Variants in ELK4 observed in about 807,000 individuals in gnomAD.
ELK4 encodes ETS transcription factor ELK4.
ELK4 carries 16 observed loss-of-function variants against 29.6 expected under a neutral mutation model. The ratio of observed to expected loss-of-function variants is 0.54; its 90% CI spans 0.37 to 0.82. The LOEUF is 0.82. Among genes scored for constraint, ELK4 ranks in the 40% least tolerant of loss-of-function variants. The pLI is 0.00. For synonymous variants in ELK4, 213 were observed against 191.1 expected (o/e 1.11, Z -0.95); for missense variants, 465 against 507.1 (o/e 0.92, Z 0.80).
intron 1 of ELK4, among the ~76,000 whole-genome samples, chr1:205,624,930 C>T (rs534187379): frequency 1.6e-4 from 25 of 152,264 alleles, no homozygotes; most frequent in African/African-American, 4.3e-4. Context: ...CATACAATTT[C>T]AAAACACCTT....
rs916623368 is a variant in ELK4, at chr1:205,611,942, T to C, written c.*4604A>G. On this transcript the variant is annotated 3_prime_UTR_variant, in exon 5 of 5. Coordinates refer to ENST00000357992, the MANE Select transcript of ELK4 (RefSeq NM_001973.4). ...ATTTTAAAAATCAAAAACTTATTAA[T>C]GCAGCAAGAAAATGTAACTTGTTAT... is the stretch of plus-strand genomic sequence containing the variant. 5.4e-6 allele frequency: 1 copy of C among 185,958 alleles called. No homozygotes were observed. The highest frequency in any genetic ancestry group is 2.3e-5 in the African/African-American group (1 of 42,712). 11.5% of individuals were successfully genotyped at this position (185,958 alleles called of 1,614,324 possible).
At chr1:205,628,081 A>G (rs1010462136) in intron 1 of ELK4, among the ~76,000 whole-genome samples, 3 of 152,224 alleles carry the variant, frequency 2.0e-5, no homozygotes, top group Admixed American at 2.0e-4. Context: ...TTAGATACCG[A>G]TAATAATCCA....
chr1:205,613,073 T>TAA lies in ELK4; in HGVS notation c.*3471_*3472dup. The TAA allele has an allele frequency of 5.5e-6, 1 of 181,746 alleles. No individual in the cohort carries two copies. The highest frequency in any genetic ancestry group is 1.1e-5 in the Non-Finnish European group (1 of 88,258). The allele number at this position is 181,746 out of a possible 1,614,324, so 11.3% of individuals were successfully genotyped here. A position where few individuals can be genotyped will look rare whatever the true frequency, so the allele number is the denominator to read the frequency against. ...AATCCAGATTGTTTGTGCATACATT[T>TAA]AAAAAAAAAAAAATCAATGGAAATT... On this transcript the variant is annotated 3_prime_UTR_variant, in exon 5 of 5. Coordinates refer to ENST00000357992, the MANE Select transcript of ELK4 (RefSeq NM_001973.4).
Position 205,623,779 on chromosome 1 carries a change from A to T in ELK4, c.104T>A (p.Leu35His), listed in dbSNP as rs778238169. 1 of 1,614,170 alleles carries T rather than the reference A, an allele frequency of 6.2e-7. No individual in the cohort carries two copies. Among genetic ancestry groups the T allele is most frequent in the Admixed American group, 1.7e-5 (1 of 60,020 alleles). The change falls in exon 2 of 5, where the codon CTT (leucine) becomes CAT (histidine). Residue 35 changes from leucine to histidine, a missense_variant. Coordinates refer to ENST00000357992, the MANE Select transcript of ELK4 (RefSeq NM_001973.4). ...ACGAGCCACCTCTTCTGCCTGCAAA[A>T]GCTTAAACTGCCCATCATTAGAGGT... is the stretch of plus-strand genomic sequence containing the variant. ...CWTSNDGQFK[L>H]LQAEEVARLW...
At chr1:205,616,721 G>T in intron 4 of ELK4, 77 bp from the exon 5 acceptor site, 1 of 1,251,326 alleles carries the variant, frequency 8.0e-7, no homozygotes, top group Non-Finnish European at 1.1e-6. Flanking sequence ...TCTATTACCT[G>T]AGGCAAAACA....
Position 205,616,615 on chromosome 1 carries a change from T to C in ELK4, c.1227A>G (p.Pro409=), listed in dbSNP as rs1344492535. ...QFPSVLNSHG[P]FTLSGLDGPS... is the part of the protein sequence containing the mutation. ...GTCCATCCAGCCCAGACAGAGTGAA[T>C]GGCCCATGACTGTTCAGTACAGAAG... The change falls in exon 5 of 5, where the codon CCA becomes CCG. Residue 409 remains proline (P), a synonymous_variant. Transcript: ENST00000357992. 6.2e-7 allele frequency: 1 copy of C among 1,614,030 alleles called. No homozygotes were observed. Among genetic ancestry groups the C allele is most frequent in the East Asian group, 2.2e-5 (1 of 44,894 alleles).
chr1:205,617,165 A>G lies in ELK4; in HGVS notation c.1198-521T>C, dbSNP rs946230148. 3.3e-5 allele frequency among the ~76,000 whole-genome samples: 5 copies of G among 152,376 alleles called. No individual in the cohort carries two copies. In the South Asian group the frequency reaches 1.0e-3, roughly 32 times the overall value. On this transcript the variant is annotated intron_variant, in intron 4 of 4. Coordinates refer to ENST00000357992, the MANE Select transcript of ELK4 (RefSeq NM_001973.4). ...TTTGCTTAAGGTCTCAGCTGACTCT[A>G]TAACTCAATTATCTGCTCATGTGTG...
chr1:205,631,418 G>GAA (rs1558025672), intron 1 of ELK4, among the ~76,000 whole-genome samples: 3 of 103,940 alleles, frequency 2.9e-5, no homozygotes, highest in Non-Finnish European at 4.1e-5. Flanking sequence ...GGGACCAAGA[G>GAA]GCGACGAGAG....
intron 1 of ELK4, among the ~76,000 whole-genome samples, chr1:205,626,494 AC>A (rs1452747757): frequency 6.6e-6 from 1 of 151,680 alleles, no homozygotes; most frequent in Non-Finnish European, 1.5e-5. Flanking sequence ...TCCTTTTACT[AC>A]CTTTTTGGGG....
rs779046215 is a variant in ELK4, at chr1:205,616,512, G to A, written c.*34C>T. On this transcript the variant is annotated 3_prime_UTR_variant, in exon 5 of 5. Transcript: ENST00000357992. Reference sequence around the variant, plus strand: ...AATCATGTTGAATGTCTGTTTCTTCGTTCCTCGGTTCTCTCATTCCACAAG... The same window carrying A: ...AATCATGTTGAATGTCTGTTTCTTCATTCCTCGGTTCTCTCATTCCACAAG... The A allele has an allele frequency of 8.9e-5, 140 of 1,572,606 alleles. 1 individual carries two copies. The highest frequency in any genetic ancestry group is 4.2e-4 in the South Asian group (38 of 90,072).
Position 205,627,549 on chromosome 1 carries a change from T to C in ELK4, c.-9-3658A>G, listed in dbSNP as rs115916723. Among the ~76,000 whole-genome samples the C allele has an allele frequency of 2.0e-3, 302 of 151,392 alleles. 2 individuals carry two copies. The highest frequency in any genetic ancestry group is 6.9e-3 in the African/African-American group (285 of 41,464). On this transcript the variant is annotated intron_variant, in intron 1 of 4. Coordinates refer to ENST00000357992, the MANE Select transcript of ELK4 (RefSeq NM_001973.4). ...AAGAAAATATTATAAACTTAGATTG[T>C]GTTCATGCTTGCACAAAACCCACAG...
rs144596474 is a variant in ELK4 at position 205,620,386 on chromosome 1, T to C, written c.660A>G (p.Glu220=). The stretch of plus-strand genomic sequence containing the variant: ...CCAATGTCTCCAAAGCTTGGATAGT[T>C]TCTTCTGAAGATGGAGAAATACTTG... ...IGPSISPSSE[E]TIQALETLVS... The change falls in exon 3 of 5, where the codon GAA becomes GAG. Residue 220 remains glutamate, a synonymous_variant. Transcript: ENST00000357992. The C allele has an allele frequency of 6.8e-6, 11 of 1,614,066 alleles. No individual in the cohort carries two copies. The African/African-American group carries it at 1.2e-4, about 18-fold the overall frequency.
chr1:205,619,945 C>T (rs1187560605), intron 3 of ELK4, 21 bp downstream of exon 3: 3 of 1,613,912 alleles, frequency 1.9e-6, no homozygotes, highest in Non-Finnish European at 2.5e-6. Flanking sequence ...ATGGTGACAC[C>T]ATAAAGAGCG....
chr1:205,610,192 TC>T lies in ELK4; in HGVS notation c.*6353del, dbSNP rs1670131717. On this transcript the variant is annotated 3_prime_UTR_variant, in exon 5 of 5. Transcript: ENST00000357992. ...CTCCTCCCCGACCCCATCCAGAAGATCCCAGGCCTATGTGAGCATGACTCAC... is the reference window on the plus strand; with the variant it reads ...CTCCTCCCCGACCCCATCCAGAAGATCCAGGCCTATGTGAGCATGACTCAC... The T allele has an allele frequency of 4.3e-6, 1 of 231,578 alleles. No homozygotes were observed. The highest frequency in any genetic ancestry group is 6.1e-5 in the East Asian group (1 of 16,428). The allele number at this position is 231,578 out of a possible 1,614,324, so 14.3% of individuals were successfully genotyped here.
At position 205,623,801 on chromosome 1, in the gene ELK4, A is replaced by C. The variant is rs1479603881; in HGVS notation, c.82T>G (p.Ser28Ala). 6.2e-7 allele frequency: 1 copy of C among 1,614,198 alleles called. No individual in the cohort carries two copies. Among genetic ancestry groups the C allele is most frequent in the Admixed American group, 1.7e-5 (1 of 60,016 alleles). The stretch of plus-strand genomic sequence containing the variant: ...AAAAGCTTAAACTGCCCATCATTAG[A>C]GGTCCAACAGATCATGTGCTTGTTC... ...PQNKHMICWT[S>A]NDGQFKLLQA... The change falls in exon 2 of 5, where the codon TCT becomes GCT. Residue 28 changes from serine to alanine, a missense_variant. Physicochemically the swap from Ser to Ala is moderately conservative, Grantham distance 99 (BLOSUM62 1). Coordinates refer to ENST00000357992, the MANE Select transcript of ELK4 (RefSeq NM_001973.4).
intron 1 of ELK4, among the ~76,000 whole-genome samples, chr1:205,626,407 T>C (rs1020762495): frequency 2.6e-5 from 4 of 152,188 alleles, no homozygotes; most frequent in African/African-American, 9.7e-5. Context: ...ATTGTCAGTC[T>C]CTGTCACATC....
Position 205,611,124 on chromosome 1 carries a change from A to G in ELK4, c.*5422T>C, listed in dbSNP as rs913714442. The G allele has an allele frequency of 1.4e-5, 3 of 215,314 alleles. No individual in the cohort carries two copies. The highest frequency in any genetic ancestry group is 6.9e-5 in the East Asian group (1 of 14,424). The allele number at this position is 215,314 out of a possible 1,614,324, so 13.3% of individuals were successfully genotyped here. On this transcript the variant is annotated 3_prime_UTR_variant, in exon 5 of 5. Coordinates refer to ENST00000357992, the MANE Select transcript of ELK4 (RefSeq NM_001973.4). ...CCACTCTGGATTTTCATATTTCACA[A>G]TAAGTAAGTGTGGATGGCAGCACCT... is the stretch of plus-strand genomic sequence containing the variant.
At chr1:205,631,440 G>T (rs1225326829) in intron 1 of ELK4, among the ~76,000 whole-genome samples, 192 bp downstream of exon 1, 1 of 151,590 alleles carries the variant, frequency 6.6e-6, no homozygotes, top group Non-Finnish European at 1.5e-5. Flanking sequence ...TGAGCGGTGC[G>T]CTGCGGCGTC....
intron 4 of ELK4, 36 bp downstream of exon 4, chr1:205,618,921 G>T (rs1265621247): frequency 6.6e-7 from 1 of 1,508,442 alleles, no homozygotes; most frequent in South Asian, 1.2e-5. Context: ...CATTTAACAT[G>T]CTCCAACTAC....
Sources: gnomAD v4.1 joint callset for allele counts (sites outside exome capture counted in the v4.1 genomes callset) on GRCh38, gnomAD v4.1.1 for gene constraint, MANE v1.5 for transcripts, NCBI Gene and HGNC (gene_info 2026-07-23, HGNC 2026-07-21) for gene names.